NFIB: variants seen among roughly 807,000 people sequenced by gnomAD.
NFIB encodes nuclear factor I B.
In NFIB, 11 loss-of-function variants were observed where a neutral mutation model predicts 61.5. The observed-to-expected ratio is 0.18, with a 90% CI of 0.11 to 0.30. NFIB has a LOEUF of 0.30. Among genes scored for constraint, NFIB ranks in the 10% least tolerant of loss-of-function variants. The pLI, the probability that NFIB is intolerant of heterozygous loss-of-function variation, is 1.00. For missense variants in NFIB, 471 were observed against 608.9 expected (o/e 0.77, Z 2.38); for synonymous variants, 260 against 216.5 (o/e 1.20, Z -1.76).
chr9:14,282,080 T>C (rs981426282), intron 2 of NFIB, among the ~76,000 whole-genome samples: 1 of 152,220 alleles, frequency 6.6e-6, no homozygotes, highest in African/African-American at 2.4e-5. Context: ...GCAAGAAGAA[T>C]TGCAGAAATT....
At chr9:14,377,078 A>C (rs1231347465) in intron 1 of NFIB, among the ~76,000 whole-genome samples, 2 of 152,252 alleles carry the variant, frequency 1.3e-5, no homozygotes, top group Non-Finnish European at 2.9e-5. Flanking sequence ...TGAAGCAATA[A>C]TAAGTAAACG....
chr9:14,243,108 C>A (rs2054521384), intron 2 of NFIB, among the ~76,000 whole-genome samples: 2 of 152,096 alleles, frequency 1.3e-5, no homozygotes, highest in African/African-American at 4.8e-5. Flanking sequence ...CTGATTTAAC[C>A]AAGTTTGAGA....
chr9:14,219,011 C>A (rs1363420158), intron 2 of NFIB, among the ~76,000 whole-genome samples: 1 of 152,174 alleles, frequency 6.6e-6, no homozygotes, highest in African/African-American at 2.4e-5. Context: ...ATAGTTGCCT[C>A]ATTCTCCTGC....
At chr9:14,384,547 C>A (rs1198150039) in intron 1 of NFIB, among the ~76,000 whole-genome samples, 1 of 152,114 alleles carries the variant, frequency 6.6e-6, no homozygotes, top group Non-Finnish European at 1.5e-5. Context: ...AAAAAAAGAA[C>A]CATATGGTAA....
At chr9:14,450,268 C>A in the NFIB span, among the ~76,000 whole-genome samples, 1 of 152,034 alleles carries the variant, frequency 6.6e-6, no homozygotes, top group African/African-American at 2.4e-5. Flanking sequence ...TGGTTTCATT[C>A]TCATTAAAGT....
At chr9:14,208,255 G>T (rs1412897550) in intron 2 of NFIB, among the ~76,000 whole-genome samples, 1 of 152,070 alleles carries the variant, frequency 6.6e-6, no homozygotes, top group African/African-American at 2.4e-5. Context: ...AAGACTAAGA[G>T]AGTAAATCGA....
In NFIB at chr9:14,082,692, T is replaced by C. The variant is rs2032171275; in HGVS notation, c.*5617A>G. The C allele has an allele frequency of 5.0e-6, 1 of 200,370 alleles. No individual in the cohort carries two copies. The highest frequency in any genetic ancestry group is 2.3e-5 in the African/African-American group (1 of 43,304). 12.4% of individuals were successfully genotyped at this position (200,370 alleles called of 1,614,324 possible). A position where few individuals can be genotyped will look rare whatever the true frequency, so the allele number is the denominator to read the frequency against. On this transcript the variant is annotated 3_prime_UTR_variant, in exon 11 of 11. Coordinates refer to ENST00000380953, the MANE Select transcript of NFIB (RefSeq NM_001190737.2). ...GGTTTTTTTTTTTTGTTTGTTTCTT[T>C]CTTGTTTTGCATCAACTTTTATCAG...
chr9:14,515,120 A>G, the NFIB span, among the ~76,000 whole-genome samples: 1 of 152,016 alleles, frequency 6.6e-6, no homozygotes, highest in Non-Finnish European at 1.5e-5. Context: ...GGCGGTTGTT[A>G]GAAAAAACTT....
rs1415455038 is a variant in NFIB, at chr9:14,209,793, A to C, written c.563-30013T>G. 2.0e-5 allele frequency among the ~76,000 whole-genome samples: 3 copies of C among 152,340 alleles called. No individual in the cohort carries two copies. The East Asian group carries it at 5.8e-4, about 29-fold the overall frequency. Reference sequence around the variant, plus strand: ...TGGAAGATCTATTTATTTTGCTAATAGGCTGTCACACTGCCTCTGGGTAAA... The same window carrying C: ...TGGAAGATCTATTTATTTTGCTAATCGGCTGTCACACTGCCTCTGGGTAAA... On this transcript the variant is annotated intron_variant, in intron 2 of 10. Transcript: ENST00000380953.
intron 2 of NFIB, among the ~76,000 whole-genome samples, chr9:14,234,474 A>G (rs2053536178): frequency 6.6e-6 from 1 of 151,304 alleles, no homozygotes; most frequent in Non-Finnish European, 1.5e-5. Flanking sequence ...CGTTCAAGCA[A>G]CTCTCCTTCC....
chr9:14,382,758 G>A (rs1375080796), intron 1 of NFIB, among the ~76,000 whole-genome samples: 1 of 151,852 alleles, frequency 6.6e-6, no homozygotes, highest in Non-Finnish European at 1.5e-5. Context: ...TTCACCCAAG[G>A]GACTATTACA....
At chr9:14,365,532 G>A (rs893216728) in intron 1 of NFIB, among the ~76,000 whole-genome samples, 2 of 152,206 alleles carry the variant, frequency 1.3e-5, no homozygotes, top group African/African-American at 4.8e-5. Flanking sequence ...AGACCAGGAG[G>A]AATAAGCATG....
chr9:14,532,024 T>G, the NFIB span: 1 of 152,996 alleles, frequency 6.5e-6, no homozygotes, highest in African/African-American at 2.4e-5. Flanking sequence ...CCAGCCATTA[T>G]GCTGTCAGCA....
At chr9:14,391,265 T>C (rs2061616363) in intron 1 of NFIB, among the ~76,000 whole-genome samples, 1 of 152,038 alleles carries the variant, frequency 6.6e-6, no homozygotes, top group Non-Finnish European at 1.5e-5. Context: ...TATGATGTGA[T>C]GGACACTTTA....
intron 2 of NFIB, among the ~76,000 whole-genome samples, chr9:14,296,880 A>T (rs2059477425): frequency 6.6e-6 from 1 of 152,184 alleles, no homozygotes; most frequent in South Asian, 2.1e-4. Flanking sequence ...ATGACAGAAT[A>T]CTTTAATTTG....
chr9:14,387,901 T>C (rs1303870714), intron 1 of NFIB, among the ~76,000 whole-genome samples: 1 of 152,142 alleles, frequency 6.6e-6, no homozygotes, highest in Non-Finnish European at 1.5e-5. Context: ...AGGCTGCTCA[T>C]AGCAGGAGGT....
the NFIB span, among the ~76,000 whole-genome samples, chr9:14,433,465 CAATTACTG>C: frequency 1.3e-5 from 2 of 152,190 alleles, no homozygotes; most frequent in Non-Finnish European, 2.9e-5. Context: ...ATGTTTCCTG[CAATTACTG>C]ATAAGGGACA....
the NFIB span, among the ~76,000 whole-genome samples, chr9:14,509,231 A>G: frequency 6.6e-6 from 1 of 152,106 alleles, no homozygotes; most frequent in South Asian, 2.1e-4. Flanking sequence ...CTTTCTGGAT[A>G]ATTTAGAATG....
At chr9:14,117,181 G>A (rs2038268501) in intron 8 of NFIB, among the ~76,000 whole-genome samples, 1 of 152,192 alleles carries the variant, frequency 6.6e-6, no homozygotes, top group African/African-American at 2.4e-5. Context: ...CCATGGTGGT[G>A]CATGGAGAGT....
Sources: allele counts gnomAD v4.1 joint callset (sites outside exome capture counted in the v4.1 genomes callset), GRCh38; gene constraint gnomAD v4.1.1; transcripts MANE v1.5; gene names NCBI Gene and HGNC (gene_info 2026-07-23, HGNC 2026-07-21).